Variants in MAP2K5 observed in about 807,000 individuals in gnomAD.
MAP2K5 encodes dual specificity mitogen-activated protein kinase kinase 5.
Under a neutral mutation model 83.1 loss-of-function variants are expected in MAP2K5, and 49 were observed. The ratio of observed to expected loss-of-function variants is 0.59; its 90% CI spans 0.47 to 0.75. The LOEUF is 0.75. Among genes scored for constraint, MAP2K5 ranks in the 30% least tolerant of loss-of-function variants. MAP2K5 has a pLI of 0.00. For synonymous variants in MAP2K5, 202 were observed against 191.8 expected (o/e 1.05, Z -0.44); for missense variants, 457 against 557.5 (o/e 0.82, Z 1.82).
intron 21 of MAP2K5, among the ~76,000 whole-genome samples, chr15:67,776,514 C>T (rs557318590): frequency 9.2e-4 from 140 of 151,906 alleles, no homozygotes; most frequent in Non-Finnish European, 1.7e-3. Flanking sequence ...GGGGAGACAG[C>T]GATAATGCAA....
intron 19 of MAP2K5, among the ~76,000 whole-genome samples, chr15:67,752,087 T>C (rs1459519076): frequency 1.3e-5 from 2 of 152,084 alleles, no homozygotes; most frequent in African/African-American, 4.8e-5. Context: ...GTTTTTGAGA[T>C]GGAGTTTTGC....
intron 13 of MAP2K5, 143 bp from the exon 14 acceptor site, chr15:67,692,336 T>C: frequency 1.8e-6 from 1 of 552,960 alleles, no homozygotes; most frequent in Non-Finnish European, 3.3e-6. Context: ...AAAAATGCTT[T>C]TCATTAAATT....
In MAP2K5 at chr15:67,727,925, G is replaced by A. The variant is rs140869674; in HGVS notation, c.1054G>A (p.Gly352Arg). The change falls in exon 17 of 22, where the codon GGG becomes AGG. Residue 352 changes from glycine (G) to arginine (R), a missense_variant. Physicochemically the swap from Gly to Arg is moderately radical, Grantham distance 125. Around this residue, in one of 3 missense-constraint regions of MAP2K5, gnomAD observed 168 missense variants for 263.0 expected, o/e 0.64. Coordinates refer to ENST00000178640, the MANE Select transcript of MAP2K5 (RefSeq NM_145160.3). ...TTATTTCCTTTCCCAGCTTGCTCTT[G>A]GGAGGTTTCCATATCCTCAGGTAAG... ...LGISFMELAL[G>R]RFPYPQIQKN... The A allele has an allele frequency of 1.9e-6, 3 of 1,612,122 alleles. No homozygotes were observed. The highest frequency in any genetic ancestry group is 1.7e-6 in the Non-Finnish European group (2 of 1,178,264).
At chr15:67,721,614 A>G (rs1277235573) in intron 16 of MAP2K5, among the ~76,000 whole-genome samples, 1 of 152,166 alleles carries the variant, frequency 6.6e-6, no homozygotes, top group Non-Finnish European at 1.5e-5. Context: ...GGCTCTTAAC[A>G]AGCTTTGCCA....
rs534902706 is a variant in MAP2K5, at chr15:67,690,797, G to T, written c.848-1682G>T. ...GATCTGCCTGCCTCAGCCTCCCAAA[G>T]TGTTGGGATTACATGCGTGAGCCAC... On this transcript the variant is annotated intron_variant, in intron 13 of 21. Coordinates refer to ENST00000178640, the MANE Select transcript of MAP2K5 (RefSeq NM_145160.3). This position sits in a 1 kb window ranked among gnomAD's most constrained non-coding sequence, Gnocchi z 4.3. Among the ~76,000 whole-genome samples the T allele has an allele frequency of 6.6e-6, 1 of 152,280 alleles. No individual in the cohort carries two copies. Among genetic ancestry groups the T allele is most frequent in the South Asian group, 2.1e-4 (1 of 4,822 alleles).
chr15:67,604,883 GA>G (rs1259155838), intron 8 of MAP2K5, among the ~76,000 whole-genome samples: 2 of 150,230 alleles, frequency 1.3e-5, no homozygotes, highest in African/African-American at 2.4e-5. Flanking sequence ...AACAGAACAA[GA>G]AAAAAAAATT....
At chr15:67,670,139 A>C (rs1431717747) in intron 13 of MAP2K5, among the ~76,000 whole-genome samples, 1 of 152,188 alleles carries the variant, frequency 6.6e-6, no homozygotes, top group Non-Finnish European at 1.5e-5. Flanking sequence ...ACATGTAACA[A>C]CATGGGTGAA....
chr15:67,704,210 A>G (rs2088495151), intron 16 of MAP2K5, among the ~76,000 whole-genome samples: 1 of 152,232 alleles, frequency 6.6e-6, no homozygotes, highest in Admixed American at 6.5e-5. Context: ...CAGTGCTTCA[A>G]AAATTCTCAT....
Position 67,577,118 on chromosome 15 carries a change from G to A in MAP2K5, c.253-3636G>A, listed in dbSNP as rs2085082756. Among the ~76,000 whole-genome samples the A allele has an allele frequency of 6.6e-6, 1 of 151,206 alleles. No homozygotes were observed. Among genetic ancestry groups the A allele is most frequent in the South Asian group, 2.1e-4 (1 of 4,724 alleles). On this transcript the variant is annotated intron_variant, in intron 3 of 21. Transcript: ENST00000178640. This position sits in a 1 kb window ranked among gnomAD's most constrained non-coding sequence, Gnocchi z 4.1. Reference sequence around the variant, plus strand: ...GCCCGGCTAATTTTTTGTATTTTTAGTAGAGACGGGGTTTCACCTTGTTAG... The same window carrying A: ...GCCCGGCTAATTTTTTGTATTTTTAATAGAGACGGGGTTTCACCTTGTTAG...
chr15:67,685,620 A>G (rs2087934517), intron 13 of MAP2K5, among the ~76,000 whole-genome samples: 1 of 152,256 alleles, frequency 6.6e-6, no homozygotes, highest in African/African-American at 2.4e-5. Context: ...TAGTGTACAT[A>G]GAAGAAAGAT....
In MAP2K5 at chr15:67,736,191, G is replaced by C. The variant is rs2089337663; in HGVS notation, c.1074+8246G>C. On this transcript the variant is annotated intron_variant, in intron 17 of 21. Coordinates refer to ENST00000178640, the MANE Select transcript of MAP2K5 (RefSeq NM_145160.3). The surrounding 1 kb of genome is among the most constrained non-coding windows in gnomAD (Gnocchi z 4.3). ...GAGATGGCAAGTGTAGCAGGGACCA[G>C]ATAAAGAAATTGGGTTTGAGAATTT... Among the ~76,000 whole-genome samples the C allele has an allele frequency of 1.3e-5, 2 of 152,192 alleles. No individual in the cohort carries two copies. The highest frequency in any genetic ancestry group is 1.3e-4 in the Admixed American group (2 of 15,278).
At chr15:67,714,584 G>T (rs775082071) in intron 16 of MAP2K5, among the ~76,000 whole-genome samples, 1 of 152,008 alleles carries the variant, frequency 6.6e-6, no homozygotes, top group Non-Finnish European at 1.5e-5. Context: ...AGCAGCTGCC[G>T]TCAACTTTTC....
chr15:67,569,399 T>C (rs915963850), intron 3 of MAP2K5, among the ~76,000 whole-genome samples: 3 of 152,228 alleles, frequency 2.0e-5, no homozygotes, highest in African/African-American at 7.2e-5. Flanking sequence ...AAAGGGAAAC[T>C]GAAGGAAATA....
intron 9 of MAP2K5, among the ~76,000 whole-genome samples, chr15:67,645,219 T>G (rs2086804422): frequency 6.6e-6 from 1 of 151,814 alleles, no homozygotes; most frequent in Non-Finnish European, 1.5e-5. Context: ...GGCTCATGCC[T>G]GTAATCCCAG....
rs1160416821 is a variant in MAP2K5, at chr15:67,794,015, T to G, written c.1243-12631T>G. ...ACACAGCTACCATTAGAAGGAAGCTTGCAACTGAATAACTTGTCTTTCTTA... is the reference window on the plus strand; with the variant it reads ...ACACAGCTACCATTAGAAGGAAGCTGGCAACTGAATAACTTGTCTTTCTTA... On this transcript the variant is annotated intron_variant, in intron 21 of 21. Coordinates refer to ENST00000178640, the MANE Select transcript of MAP2K5 (RefSeq NM_145160.3). The surrounding 1 kb of genome is among the most constrained non-coding windows in gnomAD (Gnocchi z 4.6). Among the ~76,000 whole-genome samples the G allele has an allele frequency of 1.3e-5, 2 of 152,194 alleles. No homozygotes were observed. The highest frequency in any genetic ancestry group is 4.8e-5 in the African/African-American group (2 of 41,442).
At chr15:67,564,665 C>T (rs1159995370) in intron 3 of MAP2K5, among the ~76,000 whole-genome samples, 3 of 152,158 alleles carry the variant, frequency 2.0e-5, no homozygotes, top group Non-Finnish European at 2.9e-5. Flanking sequence ...GAGCTGGGCT[C>T]ATCAGTACCT....
chr15:67,569,675 C>T (rs558070526), intron 3 of MAP2K5, among the ~76,000 whole-genome samples: 3 of 151,988 alleles, frequency 2.0e-5, no homozygotes, highest in Non-Finnish European at 2.9e-5. Context: ...TGCATCAGAA[C>T]GAGGGATTTA....
At chr15:67,594,389 A>C (rs2085478964) in intron 7 of MAP2K5, among the ~76,000 whole-genome samples, 1 of 152,192 alleles carries the variant, frequency 6.6e-6, no homozygotes, top group Non-Finnish European at 1.5e-5. Flanking sequence ...CTAGTTACTA[A>C]TTGTAATTTA....
chr15:67,712,141 A>G (rs1485555897), intron 16 of MAP2K5, among the ~76,000 whole-genome samples: 1 of 152,242 alleles, frequency 6.6e-6, no homozygotes, highest in Non-Finnish European at 1.5e-5. Context: ...GTGAAGGTTT[A>G]GATTCTGAAT....
Sources: allele counts gnomAD v4.1 joint callset (sites outside exome capture counted in the v4.1 genomes callset), GRCh38; gene constraint gnomAD v4.1.1; regional missense constraint gnomAD v4.1.1; non-coding constraint Gnocchi (gnomAD v3.1); transcripts MANE v1.5; gene names NCBI Gene and HGNC (gene_info 2026-07-23, HGNC 2026-07-21).